The following FOXK1 variants were observed in gnomAD, a reference collection of about 807,000 sequenced individuals.
FOXK1 encodes the protein forkhead box K1.
Under a neutral mutation model 51.9 loss-of-function variants are expected in FOXK1, and 19 were observed. The ratio of observed to expected loss-of-function variants is 0.37; its 90% CI spans 0.26 to 0.54. The LOEUF (loss-of-function observed/expected upper bound fraction) is 0.54. Ranked by LOEUF, FOXK1 falls within the 20% of genes least tolerant of loss-of-function variation. The probability of loss-of-function intolerance (pLI) is 0.87; values close to 1 mark genes in which losing one functional copy is unlikely to be tolerated. For synonymous variants in FOXK1, 537 were observed against 482.6 expected (o/e 1.11, Z -1.48); for missense variants, 870 against 1,032.7 (o/e 0.84, Z 2.16).
intron 1 of FOXK1, among the ~76,000 whole-genome samples, chr7:4,716,508 A>G (rs561937459): frequency 6.6e-6 from 1 of 151,344 alleles, no homozygotes; most frequent in Non-Finnish European, 1.5e-5. Flanking sequence ...CCTGTGTCCC[A>G]AAAAAAAAGA....
In FOXK1 at chr7:4,764,033, G is replaced by A. The variant is rs1206464055; in HGVS notation, c.*1569G>A. ...AGCAGCCTCTGCCCAGGCCCTGGCGGGAGAGCTGCAGAGGGACCCAGGTGC... is the reference window on the plus strand; with the variant it reads ...AGCAGCCTCTGCCCAGGCCCTGGCGAGAGAGCTGCAGAGGGACCCAGGTGC... On this transcript the variant is annotated 3_prime_UTR_variant, in exon 9 of 9. Coordinates refer to ENST00000328914, the MANE Select transcript of FOXK1 (RefSeq NM_001037165.2). 6.6e-6 allele frequency: 1 copy of A among 152,472 alleles called. No homozygotes were observed. The highest frequency in any genetic ancestry group is 1.5e-5 in the Non-Finnish European group (1 of 68,202). 9.4% of individuals were successfully genotyped at this position (152,472 alleles called of 1,614,324 possible). A position where few individuals can be genotyped will look rare whatever the true frequency, so the allele number is the denominator to read the frequency against.
rs1363040900 is a variant in FOXK1, at chr7:4,747,324, C to T, written c.746+6301C>T. Among the ~76,000 whole-genome samples the T allele has an allele frequency of 3.3e-5, 5 of 152,264 alleles. No homozygotes were observed. In the East Asian group the frequency reaches 7.7e-4, roughly 24 times the overall value. Reference sequence around the variant, plus strand: ...GCGCCTGCAGACACGGAGCTGACCCCGGAACCTGCCTAGCTGCGGGGCCGC... The same window carrying T: ...GCGCCTGCAGACACGGAGCTGACCCTGGAACCTGCCTAGCTGCGGGGCCGC... On this transcript the variant is annotated intron_variant, in intron 2 of 8. Transcript: ENST00000328914. The surrounding 1 kb of genome is among the most constrained non-coding windows in gnomAD (Gnocchi z 9.2).
rs1277875614 is a variant in FOXK1 at position 4,731,482 on chromosome 7, G to A, written c.561-9356G>A. On this transcript the variant is annotated intron_variant, in intron 1 of 8. Transcript: ENST00000328914. The surrounding 1 kb of genome is among the most constrained non-coding windows in gnomAD (Gnocchi z 5.3). The stretch of plus-strand genomic sequence containing the variant: ...ACCTTTTGAAAAGAGAGAGGCGGCC[G>A]GGCACAGTGGCTCACGCCTGTAATC... Among the ~76,000 whole-genome samples the A allele has an allele frequency of 1.3e-5, 2 of 152,146 alleles. No individual in the cohort carries two copies. Among genetic ancestry groups the A allele is most frequent in the African/African-American group, 2.4e-5 (1 of 41,442 alleles).
chr7:4,699,478 C>G (rs1779994411), intron 1 of FOXK1, among the ~76,000 whole-genome samples: 1 of 151,974 alleles, frequency 6.6e-6, no homozygotes, highest in Admixed American at 6.6e-5. Flanking sequence ...AGCGATTGTC[C>G]TGTGTCAGCC....
At position 4,707,430 on chromosome 7, in the gene FOXK1, G is replaced by A. The variant is rs144039505; in HGVS notation, c.560+24562G>A. Among the ~76,000 whole-genome samples the A allele has an allele frequency of 1.4e-4, 22 of 152,336 alleles. No individual in the cohort carries two copies. Among genetic ancestry groups the A allele is most frequent in the African/African-American group, 4.8e-4 (20 of 41,570 alleles). On this transcript the variant is annotated intron_variant, in intron 1 of 8. Transcript: ENST00000328914. The surrounding 1 kb of genome is among the most constrained non-coding windows in gnomAD (Gnocchi z 4.1). ...GCTGAAAGCAGGCCTCTCCCTGGGC[G>A]GGCTTTCCGTGTTATTAATCTACTT...
chr7:4,759,693 G>A, intron 7 of FOXK1, 98 bp downstream of exon 7: 1 of 1,353,462 alleles, frequency 7.4e-7, no homozygotes, highest in Non-Finnish European at 9.9e-7. Flanking sequence ...CCTGGGGCTT[G>A]AGGAGGATGA....
chr7:4,732,732 A>G (rs1352983791), intron 1 of FOXK1, among the ~76,000 whole-genome samples: 1 of 152,232 alleles, frequency 6.6e-6, no homozygotes, highest in Non-Finnish European at 1.5e-5. Context: ...CTGAGCTGCT[A>G]TTCACTGAGT....
chr7:4,751,931 C>T (rs1780784385), intron 2 of FOXK1, among the ~76,000 whole-genome samples: 1 of 152,198 alleles, frequency 6.6e-6, no homozygotes, highest in African/African-American at 2.4e-5. Flanking sequence ...GACAACTTTT[C>T]CTGTGGGTTT....
chr7:4,757,348 G>A (rs905890588), intron 5 of FOXK1, among the ~76,000 whole-genome samples, 161 bp downstream of exon 5: 1 of 151,974 alleles, frequency 6.6e-6, no homozygotes, highest in Admixed American at 6.6e-5. Context: ...AAAAAAGAAG[G>A]CCGGCGCGGT....
At chr7:4,742,562 A>G (rs1390035925) in intron 2 of FOXK1, among the ~76,000 whole-genome samples, 2 of 151,942 alleles carry the variant, frequency 1.3e-5, no homozygotes, top group African/African-American at 2.4e-5. Flanking sequence ...GACCACAGGC[A>G]TGCACCACCA....
At chr7:4,728,015 G>C (rs1780402622) in intron 1 of FOXK1, among the ~76,000 whole-genome samples, 1 of 152,274 alleles carries the variant, frequency 6.6e-6, no homozygotes, top group Admixed American at 6.5e-5. Context: ...ACATTTCCAG[G>C]GGCCCTTCCC....
Position 4,738,436 on chromosome 7 carries a change from C to CA in FOXK1, c.561-2388dup, listed in dbSNP as rs763097060. Among the ~76,000 whole-genome samples, 227 of 99,010 alleles carry CA rather than the reference C, an allele frequency of 2.3e-3. 1 individual carries two copies. Among genetic ancestry groups the CA allele is most frequent in the South Asian group, 8.4e-3 (27 of 3,200 alleles). 65.0% of individuals were successfully genotyped at this position (99,010 alleles called of 152,430 possible). On this transcript the variant is annotated intron_variant, in intron 1 of 8. Transcript: ENST00000328914. ...CGGATGACAGAGCAAGACTCCGTCTCAAAAAAAAAAAAAAGAAAAAAGAAA... is the reference window on the plus strand; with the variant it reads ...CGGATGACAGAGCAAGACTCCGTCTCAAAAAAAAAAAAAAAGAAAAAAGAAA...
chr7:4,717,955 G>A (rs557205188), intron 1 of FOXK1, among the ~76,000 whole-genome samples: 38 of 152,262 alleles, frequency 2.5e-4, no homozygotes, highest in African/African-American at 8.4e-4. Flanking sequence ...TTTTCTTCCT[G>A]ATAAATGTCC....
intron 1 of FOXK1, among the ~76,000 whole-genome samples, chr7:4,738,645 T>G (rs988254335): frequency 2.0e-5 from 3 of 152,140 alleles, no homozygotes; most frequent in African/African-American, 7.2e-5. Flanking sequence ...CCACCCACCC[T>G]TATCCCCCAA....
chr7:4,700,595 C>T (rs907355485), intron 1 of FOXK1, among the ~76,000 whole-genome samples: 9 of 152,012 alleles, frequency 5.9e-5, no homozygotes, highest in Non-Finnish European at 1.3e-4. Flanking sequence ...GTGGGAGGAT[C>T]GCTTGAAGCC....
intron 5 of FOXK1, among the ~76,000 whole-genome samples, chr7:4,757,634 CAAAAAAAAAAAAAAAAAA>C (rs59200954): frequency 2.5e-4 from 5 of 20,196 alleles, no homozygotes; most frequent in Non-Finnish European, 4.7e-4. Context: ...AACTCCGTCT[CAAAAAAAAAAAAAAAAAA>C]AAAAAAAAAA....
intron 1 of FOXK1, among the ~76,000 whole-genome samples, chr7:4,737,071 G>A (rs752427355): frequency 1.6e-4 from 24 of 152,186 alleles, no homozygotes; most frequent in Non-Finnish European, 2.8e-4. Flanking sequence ...GCATGTGCGT[G>A]TGCAAATGTC....
At chr7:4,739,742 G>A (rs900620776) in intron 1 of FOXK1, among the ~76,000 whole-genome samples, 5 of 152,360 alleles carry the variant, frequency 3.3e-5, no homozygotes, top group African/African-American at 1.2e-4. Flanking sequence ...GCCGGAGCAG[G>A]GGTGGAATTG....
At chr7:4,757,983 C>A (rs1780877870) in intron 5 of FOXK1, 1 of 152,190 alleles carries the variant, frequency 6.6e-6, no homozygotes, top group African/African-American at 2.4e-5. Flanking sequence ...AAGCCACTGA[C>A]TGTTGTATTA....
Sources: allele counts gnomAD v4.1 joint callset (sites outside exome capture counted in the v4.1 genomes callset), GRCh38; gene constraint gnomAD v4.1.1; non-coding constraint Gnocchi (gnomAD v3.1); transcripts MANE v1.5; gene names NCBI Gene and HGNC (gene_info 2026-07-23, HGNC 2026-07-21).